Variants in FBXL7 observed in about 807,000 individuals in gnomAD.
FBXL7 encodes F-box/LRR-repeat protein 7.
In FBXL7, 12 loss-of-function variants were observed where a neutral mutation model predicts 38.3. The observed-to-expected ratio is 0.31, with a 90% CI of 0.20 to 0.51. The LOEUF (loss-of-function observed/expected upper bound fraction) is 0.51. Among genes scored for constraint, FBXL7 ranks in the 20% least tolerant of loss-of-function variants. The pLI is 0.98. For synonymous variants in FBXL7, 297 were observed against 300.9 expected, an observed-to-expected ratio of 0.99 and a Z score of 0.13; for missense variants, 567 against 676.4, an observed-to-expected ratio of 0.84 and a Z score of 1.79.
At chr5:15,559,643 A>G (rs920179227) in intron 1 of FBXL7, among the ~76,000 whole-genome samples, 4 of 152,216 alleles carry the variant, frequency 2.6e-5, no homozygotes, top group African/African-American at 4.8e-5. Context: ...CCAAGTTCCT[A>G]ATAGGTGAGA....
At chr5:15,926,854 G>A (rs575710920) in intron 2 of FBXL7, among the ~76,000 whole-genome samples, 6 of 152,094 alleles carry the variant, frequency 3.9e-5, no homozygotes, top group Non-Finnish European at 7.4e-5. Flanking sequence ...AGAAACGGGA[G>A]CAGACACTGG....
chr5:15,545,912 A>G (rs1469396916), intron 1 of FBXL7, among the ~76,000 whole-genome samples: 1 of 152,226 alleles, frequency 6.6e-6, no homozygotes, highest in Admixed American at 6.5e-5. Flanking sequence ...TGCACTGACC[A>G]CTATGATAAC....
chr5:15,844,993 C>G lies in FBXL7; in HGVS notation c.128-82897C>G, dbSNP rs367988908. ...CACTGTGGCCTCCAAATCTGTCCTT[C>G]TTTGCATAGGACACGTCTCAGCCTC... On this transcript the variant is annotated intron_variant, in intron 2 of 3. Coordinates refer to ENST00000504595, the MANE Select transcript of FBXL7 (RefSeq NM_012304.5). 3.3e-5 allele frequency among the ~76,000 whole-genome samples: 5 copies of G among 152,188 alleles called. No individual in the cohort carries two copies. In the East Asian group the frequency reaches 5.8e-4, roughly 18 times the overall value.
chr5:15,709,800 G>C lies in FBXL7; in HGVS notation c.127+93728G>C, dbSNP rs1394073953. On this transcript the variant is annotated intron_variant, in intron 2 of 3. Transcript: ENST00000504595. ...CCAAGATCAAGGTGCTGGCAGATTT[G>C]GTATCTGCTGAGAGCCTATTCTTAC... Among the ~76,000 whole-genome samples the C allele has an allele frequency of 3.3e-5, 5 of 152,112 alleles. No individual in the cohort carries two copies. In the East Asian group the frequency reaches 9.7e-4, roughly 29 times the overall value.
intron 2 of FBXL7, among the ~76,000 whole-genome samples, chr5:15,620,652 A>G (rs1740607851): frequency 6.6e-6 from 1 of 152,076 alleles, no homozygotes; most frequent in African/African-American, 2.4e-5. Context: ...GCAGGGTTGC[A>G]CGCTGGCCCC....
chr5:15,541,317 A>G (rs1465118055), intron 1 of FBXL7, among the ~76,000 whole-genome samples: 37 of 150,488 alleles, frequency 2.5e-4, no homozygotes, highest in Non-Finnish European at 1.2e-4. Context: ...ATGAGAAAAT[A>G]CATATTTTGA....
chr5:15,556,382 C>T (rs1738239491), intron 1 of FBXL7, among the ~76,000 whole-genome samples: 1 of 152,104 alleles, frequency 6.6e-6, no homozygotes, highest in Middle Eastern at 3.2e-3. Flanking sequence ...TTCAGGCCCT[C>T]CCCCAGTTGG....
intron 2 of FBXL7, among the ~76,000 whole-genome samples, chr5:15,617,158 G>A (rs1318662804): frequency 6.6e-6 from 1 of 152,130 alleles, no homozygotes; most frequent in Admixed American, 6.5e-5. Context: ...GTCTTAGTGT[G>A]CTTCAAGTAG....
At chr5:15,880,227 G>T (rs7707125) in intron 2 of FBXL7, among the ~76,000 whole-genome samples, 1 of 151,962 alleles carries the variant, frequency 6.6e-6, no homozygotes, top group Non-Finnish European at 1.5e-5. Flanking sequence ...CTCATGTTTA[G>T]CTTGCATTCT....
intron 2 of FBXL7, among the ~76,000 whole-genome samples, chr5:15,920,406 A>C (rs1043362142): frequency 6.6e-6 from 1 of 152,252 alleles, no homozygotes; most frequent in African/African-American, 2.4e-5. Context: ...TAATGCAAAA[A>C]TCTGCAGCAG....
chr5:15,693,983 G>C (rs1162375654), intron 2 of FBXL7, among the ~76,000 whole-genome samples: 2 of 152,136 alleles, frequency 1.3e-5, no homozygotes, highest in Non-Finnish European at 1.5e-5. Context: ...GCCCTCTGTC[G>C]TTACAATAAG....
At chr5:15,904,548 A>G (rs1312558290) in intron 2 of FBXL7, among the ~76,000 whole-genome samples, 2 of 152,186 alleles carry the variant, frequency 1.3e-5, no homozygotes, top group African/African-American at 4.8e-5. Context: ...AGGATAAAGA[A>G]CAACTGTGGT....
intron 2 of FBXL7, among the ~76,000 whole-genome samples, chr5:15,906,455 T>A (rs1042949002): frequency 3.9e-4 from 52 of 132,548 alleles, no homozygotes; most frequent in African/African-American, 1.3e-3. Flanking sequence ...TTTTTTTTTT[T>A]ATGTAACATG....
At chr5:15,821,085 A>G (rs1738157391) in intron 2 of FBXL7, among the ~76,000 whole-genome samples, 1 of 152,150 alleles carries the variant, frequency 6.6e-6, no homozygotes, top group Non-Finnish European at 1.5e-5. Context: ...ATCCCACTGA[A>G]TAGAGTCGGA....
In FBXL7 at chr5:15,611,205, C is replaced by T. The variant is rs116090886; in HGVS notation, c.38-4778C>T. ...GCAGAGTGGTGAAAAATTTGGGTTG[C>T]GCAACACACACCTTCCCATATAAGG... On this transcript the variant is annotated intron_variant, in intron 1 of 3. Transcript: ENST00000504595. Among the ~76,000 whole-genome samples the T allele has an allele frequency of 4.8e-3, 728 of 152,124 alleles. 6 individuals are homozygous for T. Among genetic ancestry groups the T allele is most frequent in the African/African-American group, 0.017 (704 of 41,502 alleles).
intron 2 of FBXL7, among the ~76,000 whole-genome samples, chr5:15,693,492 A>G (rs998069983): frequency 7.2e-5 from 11 of 152,156 alleles, no homozygotes; most frequent in Non-Finnish European, 1.0e-4. Context: ...TGCTGTGTAG[A>G]GAAGTGCAGG....
intron 2 of FBXL7, among the ~76,000 whole-genome samples, chr5:15,870,959 G>C (rs535399937): frequency 6.6e-6 from 1 of 152,218 alleles, no homozygotes; most frequent in Admixed American, 6.5e-5. Context: ...TTCAAGCTCT[G>C]CTAAGGGACA....
chr5:15,799,614 G>A lies in FBXL7; in HGVS notation c.128-128276G>A, dbSNP rs257775. On this transcript the variant is annotated intron_variant, in intron 2 of 3. Transcript: ENST00000504595. Reference sequence around the variant, plus strand: ...CAACCTCAGGTGATCCACCAGCCTCGGCCTCCCGAAGTGCTAGGATTACAG... The same window carrying A: ...CAACCTCAGGTGATCCACCAGCCTCAGCCTCCCGAAGTGCTAGGATTACAG... Among the ~76,000 whole-genome samples the A allele has an allele frequency of 1.8e-3, 276 of 152,132 alleles. 4 individuals are homozygous for A. In the East Asian group the frequency reaches 0.049, roughly 27 times the overall value.
chr5:15,828,503 A>G (rs1738373258), intron 2 of FBXL7, among the ~76,000 whole-genome samples: 1 of 152,232 alleles, frequency 6.6e-6, no homozygotes, highest in Non-Finnish European at 1.5e-5. Context: ...TAGCTTTTAA[A>G]GGGTTGTTTT....
Sources: allele counts gnomAD v4.1 joint callset (sites outside exome capture counted in the v4.1 genomes callset), GRCh38; gene constraint gnomAD v4.1.1; transcripts MANE v1.5; gene names NCBI Gene and HGNC (gene_info 2026-07-23, HGNC 2026-07-21).